The following CNIH3 variants were observed in gnomAD, a reference collection of about 807,000 sequenced individuals.
CNIH3 encodes protein cornichon homolog 3.
A neutral mutation model predicts 24.1 loss-of-function variants in CNIH3; 14 were observed. The observed-to-expected ratio is 0.58, with a 90% CI of 0.38 to 0.91. The LOEUF is 0.91. CNIH3 is among the 40% of genes least tolerant of loss of function. The pLI is 0.00. For missense variants in CNIH3, 178 were observed against 196.8 expected (o/e 0.90, Z 0.57); for synonymous variants, 68 against 73.8 (o/e 0.92, Z 0.40).
At chr1:224,510,809 C>G (rs1678121004) in intron 1 of CNIH3, among the ~76,000 whole-genome samples, 1 of 152,102 alleles carries the variant, frequency 6.6e-6, no homozygotes, top group African/African-American at 2.4e-5. Flanking sequence ...TCTGTCCTGG[C>G]TCAGCACACA....
intron 1 of CNIH3, among the ~76,000 whole-genome samples, chr1:224,448,335 G>A (rs1221364512): frequency 1.3e-5 from 2 of 152,222 alleles, no homozygotes; most frequent in Admixed American, 6.5e-5. Context: ...CCTGTGAGAT[G>A]TCCCTTGAGG....
chr1:224,573,611 A>G (rs1680912637), intron 4 of CNIH3, among the ~76,000 whole-genome samples: 1 of 152,228 alleles, frequency 6.6e-6, no homozygotes, highest in African/African-American at 2.4e-5. Context: ...TAGTTCAGCA[A>G]ATTAACCCAG....
intron 4 of CNIH3, among the ~76,000 whole-genome samples, chr1:224,734,276 A>G (rs1689483816): frequency 6.6e-6 from 1 of 152,202 alleles, no homozygotes; most frequent in African/African-American, 2.4e-5. Flanking sequence ...GCTCTTCCTC[A>G]GACTCCTAGG....
chr1:224,513,192 T>G (rs1486047870), upstream of CNIH3, among the ~76,000 whole-genome samples: 1 of 152,084 alleles, frequency 6.6e-6, no homozygotes, highest in African/African-American at 2.4e-5. Flanking sequence ...TGGATCTTGC[T>G]CTGTCACTCA....
At chr1:224,658,432 G>A (rs1685197197) in intron 1 of CNIH3, among the ~76,000 whole-genome samples, 1 of 151,952 alleles carries the variant, frequency 6.6e-6, no homozygotes, top group Admixed American at 6.6e-5. Context: ...CTCCCAAAGT[G>A]CTGGAATTAC....
chr1:224,731,416 C>T (rs1247594473), intron 4 of CNIH3, among the ~76,000 whole-genome samples: 1 of 152,192 alleles, frequency 6.6e-6, no homozygotes, highest in African/African-American at 2.4e-5. Context: ...CATATGGACA[C>T]AGGAGGCAGA....
intron 1 of CNIH3, among the ~76,000 whole-genome samples, chr1:224,675,579 G>C (rs1292448511): frequency 6.6e-6 from 1 of 152,092 alleles, no homozygotes; most frequent in Non-Finnish European, 1.5e-5. Flanking sequence ...ATTTGACAAG[G>C]GACTTGTATC....
chr1:224,530,051 A>G (rs1442629690), intron 2 of CNIH3, among the ~76,000 whole-genome samples: 1 of 152,076 alleles, frequency 6.6e-6, no homozygotes, highest in Non-Finnish European at 1.5e-5. Flanking sequence ...CATGCTGTGG[A>G]GGCATGGAAA....
intron 3 of CNIH3, among the ~76,000 whole-genome samples, chr1:224,610,715 A>G (rs1367407206): frequency 1.3e-5 from 2 of 152,230 alleles, no homozygotes; most frequent in African/African-American, 4.8e-5. Flanking sequence ...AAGGCAGAAA[A>G]CCAAAACTAA....
chr1:224,525,989 C>T lies in CNIH3; in HGVS notation n.343+4662C>T, dbSNP rs141510156. Among the ~76,000 whole-genome samples the T allele has an allele frequency of 3.0e-4, 46 of 152,260 alleles. No individual in the cohort carries two copies. The East Asian group carries it at 6.0e-3, about 20-fold the overall frequency. On this transcript the variant is annotated intron_variant and non_coding_transcript_variant, in intron 2 of 2. Transcript: ENST00000470602. ...GAGCTATGTGCTACCACTAAGGTAT[C>T]ACCATGCCTGGTGAGCTCTGCGGGG... is the stretch of plus-strand genomic sequence containing the variant.
rs1687679370 is a variant in CNIH3, at chr1:224,704,596, G to A, written c.198+19753G>A. 6.6e-6 allele frequency among the ~76,000 whole-genome samples: 1 copy of A among 152,092 alleles called. No individual in the cohort carries two copies. Among genetic ancestry groups the A allele is most frequent in the Non-Finnish European group, 1.5e-5 (1 of 68,034 alleles). ...TTCTCAGCTCTTCCCCATCCCCCGT[G>A]TATGTACAGCACATACTTTTTTTTT... On this transcript the variant is annotated intron_variant, in intron 3 of 5. Transcript: ENST00000272133. This position sits in a 1 kb window ranked among gnomAD's most constrained non-coding sequence, Gnocchi z 4.2.
At chr1:224,712,347 G>A (rs1241193670) in intron 3 of CNIH3, among the ~76,000 whole-genome samples, 1 of 152,196 alleles carries the variant, frequency 6.6e-6, no homozygotes, top group African/African-American at 2.4e-5. Context: ...TTGGGAGCCA[G>A]TGACTCTTGG....
intron 1 of CNIH3, among the ~76,000 whole-genome samples, chr1:224,650,356 G>C (rs74146224): frequency 0.021 from 3,141 of 152,262 alleles, 88 homozygotes; most frequent in African/African-American, 0.069. Flanking sequence ...CAGGGAGGCT[G>C]AGTACATACT....
In CNIH3 at chr1:224,434,748, C is replaced by T. The variant is rs192114388; in HGVS notation, n.89C>T. On this transcript the variant is annotated non_coding_transcript_exon_variant, in exon 1 of 6. Coordinates refer to the CNIH3 transcript ENST00000471578. ...GCTGCCGCCTCTGTCCTCGGATCCG[C>T]TCCGCTCTGCTCCCTGGTGTGTTGA... The T allele has an allele frequency of 7.7e-4, 757 of 987,102 alleles. 5 individuals are homozygous for T. In the African/African-American group the frequency reaches 0.012, roughly 15 times the overall value. 61.1% of individuals were successfully genotyped at this position (987,102 alleles called of 1,614,324 possible).
At chr1:224,492,836 T>G (rs1677286016) in intron 1 of CNIH3, among the ~76,000 whole-genome samples, 1 of 152,184 alleles carries the variant, frequency 6.6e-6, no homozygotes, top group African/African-American at 2.4e-5. Context: ...TATTGCATAT[T>G]TTTTTGACGT....
chr1:224,442,466 G>A (rs1674961805), intron 1 of CNIH3, among the ~76,000 whole-genome samples: 1 of 152,194 alleles, frequency 6.6e-6, no homozygotes, highest in South Asian at 2.1e-4. Context: ...AGAAGTAGAT[G>A]TGTTTTTAAG....
intron 1 of CNIH3, among the ~76,000 whole-genome samples, chr1:224,619,743 G>T (rs553240282): frequency 3.2e-4 from 49 of 152,224 alleles, no homozygotes; most frequent in South Asian, 8.3e-4. Context: ...CTTCTTGATC[G>T]GACAAGGCAT....
At chr1:224,552,938 A>G (rs980323153) in intron 3 of CNIH3, among the ~76,000 whole-genome samples, 1 of 150,762 alleles carries the variant, frequency 6.6e-6, no homozygotes, top group African/African-American at 2.4e-5. Flanking sequence ...GGAGTAATAT[A>G]TCATCTCTCT....
chr1:224,632,753 C>T (rs1331668480), intron 1 of CNIH3, among the ~76,000 whole-genome samples: 2 of 151,962 alleles, frequency 1.3e-5, no homozygotes, highest in African/African-American at 4.8e-5. Flanking sequence ...CTTACAGGTT[C>T]CGGAGAGTGA....
Sources: gnomAD v4.1 joint callset for allele counts (sites outside exome capture counted in the v4.1 genomes callset) on GRCh38, gnomAD v4.1.1 for gene constraint, Gnocchi (gnomAD v3.1) non-coding constraint, MANE v1.5 for transcripts, NCBI Gene and HGNC (gene_info 2026-07-23, HGNC 2026-07-21) for gene names.